NLRC3: variants seen among roughly 807,000 people sequenced by gnomAD.
NLRC3 encodes the protein NLR family CARD domain-containing protein 3.
Under a neutral mutation model 91.6 loss-of-function variants are expected in NLRC3, and 87 were observed. The ratio of observed to expected loss-of-function variants is 0.95; its 90% CI spans 0.80 to 1.14. NLRC3 has a LOEUF of 1.14. NLRC3 is among the 50% of genes most tolerant of loss of function. NLRC3 has a pLI of 0.00. For missense variants in NLRC3, 1,577 were observed against 1,418.6 expected (o/e 1.11, Z -1.79); for synonymous variants, 694 against 625.3 (o/e 1.11, Z -1.64).
chr16:3,549,811 C>A, intron 11 of NLRC3, 31 bp from the exon 12 acceptor site: 8 of 1,509,862 alleles, frequency 5.3e-6, no homozygotes, highest in Non-Finnish European at 7.2e-6. Context: ...CTGGGTGTGG[C>A]TGTCCCAGGA....
At chr16:3,574,430 C>T (rs575223422) in intron 1 of NLRC3, among the ~76,000 whole-genome samples, 7 of 151,920 alleles carry the variant, frequency 4.6e-5, no homozygotes, top group Admixed American at 1.3e-4. Context: ...GGGACCCGAG[C>T]GGGGCTGGGA....
chr16:3,550,834 T>C (rs760135507), intron 10 of NLRC3, among the ~76,000 whole-genome samples: 7 of 152,178 alleles, frequency 4.6e-5, no homozygotes, highest in Admixed American at 1.3e-4. Flanking sequence ...CCCGAGAAGG[T>C]TGGGGTTCAC....
chr16:3,563,357 G>A lies in NLRC3; in HGVS notation c.1580C>T (p.Ala527Val), dbSNP rs865792396. Reference sequence around the variant, plus strand: ...GGCCAGCAGGGAGCCGGCCAGGAGGGCATTGACCCTCGGAGACAAGAGGCC... The same window carrying A: ...GGCCAGCAGGGAGCCGGCCAGGAGGACATTGACCCTCGGAGACAAGAGGCC... ...LSGLLSPRVN[A>V]LLAGSLLAQG... The change falls in exon 5 of 20, where the codon GCC (alanine) becomes GTC (valine). Residue 527 changes from alanine to valine, a missense_variant. By Grantham distance (64) the Ala-to-Val change is moderately conservative. Transcript: ENST00000359128. 6.3e-7 allele frequency: 1 copy of A among 1,589,876 alleles called. No individual in the cohort carries two copies. The highest frequency in any genetic ancestry group is 8.6e-7 in the Non-Finnish European group (1 of 1,169,192).
chr16:3,552,669 C>A (rs1042345375), intron 9 of NLRC3, among the ~76,000 whole-genome samples: 3 of 152,160 alleles, frequency 2.0e-5, no homozygotes, highest in African/African-American at 7.2e-5. Context: ...GGGCCAGGTA[C>A]GGTGGCTCAT....
At chr16:3,552,922 G>A (rs1275715545) in intron 9 of NLRC3, among the ~76,000 whole-genome samples, 1 of 152,120 alleles carries the variant, frequency 6.6e-6, no homozygotes, top group Non-Finnish European at 1.5e-5. Flanking sequence ...GCGGGCAATA[G>A]AGCGAGACTC....
intron 3 of NLRC3, 110 bp downstream of exon 3, chr16:3,565,209 T>A (rs1235219417): frequency 1.4e-6 from 1 of 703,556 alleles, no homozygotes; most frequent in Non-Finnish European, 2.5e-6. Flanking sequence ...CCTCTGAGAA[T>A]GGACTGGAAG....
chr16:3,570,841 G>A (rs542102815), intron 1 of NLRC3, among the ~76,000 whole-genome samples: 2 of 152,172 alleles, frequency 1.3e-5, no homozygotes, highest in African/African-American at 4.8e-5. Context: ...TAAGTATGGA[G>A]GGGAGCCACT....
chr16:3,542,674 G>T lies in NLRC3; in HGVS notation c.3023+18C>A, dbSNP rs759587314. 5 of 1,548,024 alleles carry T rather than the reference G, an allele frequency of 3.2e-6. No individual in the cohort carries two copies. Among genetic ancestry groups the T allele is most frequent in the Non-Finnish European group, 4.4e-6 (5 of 1,123,898 alleles). ...CTCTGCTGCTCCAGGATGCAGGTAG[G>T]TCCCTCCAGCCACTTACTTGAGTCT... On this transcript the variant is annotated intron_variant, in intron 18 of 19. Transcript: ENST00000359128.
intron 15 of NLRC3, among the ~76,000 whole-genome samples, chr16:3,546,394 TAA>T (rs57467448): frequency 1.4e-4 from 19 of 134,050 alleles, no homozygotes; most frequent in Non-Finnish European, 1.8e-4. Flanking sequence ...CCGTCTCTAT[TAA>T]AAAAAAAAAA....
chr16:3,558,296 G>A (rs764556056), intron 6 of NLRC3, among the ~76,000 whole-genome samples: 4 of 152,040 alleles, frequency 2.6e-5, no homozygotes, highest in African/African-American at 7.2e-5. Context: ...ACATCACTGC[G>A]CTCCAGCCTG....
At position 3,549,785 on chromosome 16, in the gene NLRC3, G is replaced by A. The variant is rs539614989; in HGVS notation, c.2436-5C>T. 5.6e-5 allele frequency: 86 copies of A among 1,548,494 alleles called. 1 individual carries two copies. Among genetic ancestry groups the A allele is most frequent in the South Asian group, 3.6e-4 (30 of 83,960 alleles). ...CTGATGGAATTGCTCTGCAGGCTGC[G>A]GAAAGAGGAGGCGCCCTGGGTGTGG... is the stretch of plus-strand genomic sequence containing the variant. On this transcript the variant is annotated splice_polypyrimidine_tract_variant and splice_region_variant and intron_variant, in intron 11 of 19. Transcript: ENST00000359128.
chr16:3,551,558 T>C (rs2039002650), intron 10 of NLRC3, among the ~76,000 whole-genome samples: 1 of 144,740 alleles, frequency 6.9e-6, no homozygotes, highest in African/African-American at 2.6e-5. Flanking sequence ...CATCCACCCA[T>C]CCACCAATCC....
At chr16:3,546,471 C>T (rs1323048228) in intron 15 of NLRC3, among the ~76,000 whole-genome samples, 5 of 151,758 alleles carry the variant, frequency 3.3e-5, no homozygotes, top group South Asian at 2.1e-4. Context: ...GCAGGAGAAT[C>T]GCTTGGACCT....
intron 6 of NLRC3, among the ~76,000 whole-genome samples, chr16:3,559,181 T>G (rs2039491223): frequency 6.6e-6 from 1 of 152,228 alleles, no homozygotes; most frequent in Non-Finnish European, 1.5e-5. Flanking sequence ...AGGCCACCTC[T>G]GTATAAATGT....
chr16:3,558,715 G>A (rs1034526805), intron 6 of NLRC3, among the ~76,000 whole-genome samples: 3 of 152,080 alleles, frequency 2.0e-5, no homozygotes, highest in Admixed American at 1.3e-4. Context: ...GCTCTTTGCC[G>A]TTTGTAGGCA....
Position 3,563,170 on chromosome 16 carries a change from G to C in NLRC3, c.1767C>G (p.Ser589Arg). 6.3e-7 allele frequency: 1 copy of C among 1,591,196 alleles called. No individual in the cohort carries two copies. The highest frequency in any genetic ancestry group is 8.5e-7 in the Non-Finnish European group (1 of 1,171,294). Residue 589 changes from serine to arginine, a missense_variant, in exon 5 of 20, where the codon AGC becomes AGG. Ser to Arg is a moderately radical substitution (Grantham distance 110). Coordinates refer to ENST00000359128, the MANE Select transcript of NLRC3 (RefSeq NM_178844.4). The part of the protein sequence containing the change: ...LARSVEEAME[S>R]GALARLTGPA... Reference sequence around the variant, plus strand: ...GACCAGTCAGCCTGGCCAGGGCCCCGCTCTCCATGGCCTCCTCCACGCTGC... The same window carrying C: ...GACCAGTCAGCCTGGCCAGGGCCCCCCTCTCCATGGCCTCCTCCACGCTGC...
At chr16:3,547,596 ATATG>A (rs1479893536) in intron 15 of NLRC3, among the ~76,000 whole-genome samples, 2 of 152,138 alleles carry the variant, frequency 1.3e-5, no homozygotes, top group Admixed American at 6.6e-5. Context: ...GTATGTACAT[ATATG>A]TATGTGTATA....
At chr16:3,571,437 G>T (rs960942688) in intron 1 of NLRC3, among the ~76,000 whole-genome samples, 2 of 151,158 alleles carry the variant, frequency 1.3e-5, no homozygotes, top group South Asian at 2.1e-4. Context: ...ACTAGCTATG[G>T]GGAGGCTGAG....
rs754441955 is a variant in NLRC3 at position 3,564,646 on chromosome 16, C to T, written c.291G>A (p.Thr97=). 17 of 1,606,826 alleles carry T rather than the reference C, an allele frequency of 1.1e-5. No individual in the cohort carries two copies. Among genetic ancestry groups the T allele is most frequent in the East Asian group, 8.9e-5 (4 of 44,886 alleles). Residue 97 remains threonine, a synonymous_variant, in exon 5 of 20, where the codon ACG becomes ACA. Coordinates refer to ENST00000359128, the MANE Select transcript of NLRC3 (RefSeq NM_178844.4). This position sits in a 1 kb window ranked among gnomAD's most constrained non-coding sequence, Gnocchi z 5.9. Reference sequence around the variant, plus strand: ...AGTCGTGTTCCCTCAGCTGCAGGTCCGTCAGGCCCTCCACCAGCAGGAGGG... The same window carrying T: ...AGTCGTGTTCCCTCAGCTGCAGGTCTGTCAGGCCCTCCACCAGCAGGAGGG... The part of the protein sequence containing the change: ...LASLLLVEGL[T]DLQLREHDFT...
Sources: allele counts gnomAD v4.1 joint callset (sites outside exome capture counted in the v4.1 genomes callset), GRCh38; gene constraint gnomAD v4.1.1; non-coding constraint Gnocchi (gnomAD v3.1); transcripts MANE v1.5; gene names NCBI Gene and HGNC (gene_info 2026-07-23, HGNC 2026-07-21).